The following MIER1 variants were observed in gnomAD, a reference collection of about 807,000 sequenced individuals.
MIER1 encodes MIER1 transcriptional regulator.
A neutral mutation model predicts 75.7 loss-of-function variants in MIER1; 40 were observed. The observed-to-expected ratio is 0.53, with a 90% CI of 0.41 to 0.69. MIER1 has a LOEUF of 0.69. MIER1 is among the 30% of genes least tolerant of loss of function. The pLI is 0.00. For missense variants in MIER1, 574 were observed against 680.2 expected, an observed-to-expected ratio of 0.84 and a Z score of 1.74; for synonymous variants, 213 against 223.4, an observed-to-expected ratio of 0.95 and a Z score of 0.42.
intron 2 of MIER1, 114 bp from the exon 3 acceptor site, chr1:66,939,914 A>G (rs1655783061): frequency 2.5e-6 from 2 of 799,482 alleles, no homozygotes; most frequent in South Asian, 3.3e-5. Context: ...AAATGCAGAC[A>G]TTAAAACTTA....
Position 66,987,713 on chromosome 1 carries a change from T to TAA in MIER1, c.*2814_*2815dup, listed in dbSNP as rs1666953295. On this transcript the variant is annotated 3_prime_UTR_variant, in exon 14 of 14. Transcript: ENST00000401041. Reference sequence around the variant, plus strand: ...GAATATTTTCATTAGATTAATTCACTAAGATTTTATTAGAGATTGTTTGAA... The same window carrying TAA: ...GAATATTTTCATTAGATTAATTCACTAAAAGATTTTATTAGAGATTGTTTGAA... The TAA allele has an allele frequency of 1.4e-5, 2 of 143,404 alleles. 1 individual carries two copies. Among genetic ancestry groups the TAA allele is most frequent in the South Asian group, 4.4e-4 (2 of 4,572 alleles). 8.9% of individuals were successfully genotyped at this position (143,404 alleles called of 1,614,324 possible). A position where few individuals can be genotyped will look rare whatever the true frequency, so the allele number is the denominator to read the frequency against.
Position 66,986,504 on chromosome 1 carries a change from A to C in MIER1, c.*1604A>C. The C allele has an allele frequency of 2.0e-6, 3 of 1,481,094 alleles. No homozygotes were observed. Among genetic ancestry groups the C allele is most frequent in the Middle Eastern group, 1.7e-4 (1 of 5,808 alleles). 91.7% of individuals were successfully genotyped at this position (1,481,094 alleles called of 1,614,324 possible). On this transcript the variant is annotated 3_prime_UTR_variant, in exon 14 of 14. Transcript: ENST00000401041. ...CTGTGGTCTTGTTTTTAATGGCTCAACTGTCTGATGTAATTGAGTGAAGGT... is the reference window on the plus strand; with the variant it reads ...CTGTGGTCTTGTTTTTAATGGCTCACCTGTCTGATGTAATTGAGTGAAGGT...
At chr1:66,968,901 A>G (rs1178166558) in intron 8 of MIER1, among the ~76,000 whole-genome samples, 1 of 152,238 alleles carries the variant, frequency 6.6e-6, no homozygotes, top group Non-Finnish European at 1.5e-5. Flanking sequence ...CTAAGTGAAT[A>G]GGTGGGTGAA....
Position 66,981,808 on chromosome 1 carries a change from G to A in MIER1, c.1259G>A (p.Ser420Asn), listed in dbSNP as rs1665944647. The A allele has an allele frequency of 3.1e-6, 5 of 1,613,682 alleles. No homozygotes were observed. The highest frequency in any genetic ancestry group is 3.4e-6 in the Non-Finnish European group (4 of 1,179,786). Reference sequence around the variant, plus strand: ...TACATGGATCGTCTTCTAGACGAAAGTGAAAGTGCTGCATCTAGTCGAGCA... The same window carrying A: ...TACATGGATCGTCTTCTAGACGAAAATGAAAGTGCTGCATCTAGTCGAGCA... ...TDYMDRLLDESESAASSRAPS... is the reference protein window; with the variant it reads ...TDYMDRLLDENESAASSRAPS... Residue 420 changes from serine to asparagine, a missense_variant, in exon 13 of 14, where the codon AGT becomes AAT. Physicochemically the swap from Ser to Asn is conservative, Grantham distance 46. Transcript: ENST00000401041.
intron 4 of MIER1, among the ~76,000 whole-genome samples, chr1:66,956,480 T>G (rs1660152080): frequency 6.6e-6 from 1 of 152,216 alleles, no homozygotes; most frequent in African/African-American, 2.4e-5. Context: ...TTTGAAGTTT[T>G]GTTTTAGTTC....
At chr1:66,984,504 G>C in intron 13 of MIER1, 68 bp from the exon 14 acceptor site, 3 of 1,136,466 alleles carry the variant, frequency 2.6e-6, no homozygotes, top group Non-Finnish European at 3.8e-6. Flanking sequence ...ACTACAAGCT[G>C]TTTTATAATA....
rs1232559670 is a variant in MIER1, at chr1:66,925,125, C to T, written c.67+30C>T. 9 of 1,540,354 alleles carry T rather than the reference C, an allele frequency of 5.8e-6. No homozygotes were observed. In the East Asian group the frequency reaches 2.0e-4, roughly 34 times the overall value. On this transcript the variant is annotated intron_variant, in intron 1 of 13. Coordinates refer to ENST00000401041, the MANE Select transcript of MIER1 (RefSeq NM_001077700.3). ...GTGCAGCCTCCACAAGCCATCTCTCCCCTTCTATTCCAGTTTGGGATGAGG... is the reference window on the plus strand; with the variant it reads ...GTGCAGCCTCCACAAGCCATCTCTCTCCTTCTATTCCAGTTTGGGATGAGG...
chr1:66,931,755 A>G (rs1653435323), intron 2 of MIER1, among the ~76,000 whole-genome samples: 1 of 152,124 alleles, frequency 6.6e-6, no homozygotes. Flanking sequence ...GAGAATCGGT[A>G]CCTGGATTTT....
intron 2 of MIER1, chr1:66,930,520 G>A (rs1335966758): frequency 8.5e-5 from 92 of 1,079,708 alleles, no homozygotes; most frequent in Non-Finnish European, 1.1e-4. Context: ...CTGCCCACCT[G>A]TTGTCCGGAA....
At chr1:66,969,294 C>G (rs944107991) in intron 8 of MIER1, among the ~76,000 whole-genome samples, 12 of 151,656 alleles carry the variant, frequency 7.9e-5, no homozygotes, top group Non-Finnish European at 1.5e-4. Flanking sequence ...ACCTGTAATC[C>G]CAGCACTTTG....
chr1:66,976,753 A>G (rs950212557), intron 12 of MIER1, 31 bp downstream of exon 12: 5 of 1,504,192 alleles, frequency 3.3e-6, no homozygotes, highest in Non-Finnish European at 4.4e-6. Context: ...AGAGCTATAT[A>G]TACATTTTTG....
chr1:66,935,153 G>C (rs905292388), intron 2 of MIER1, among the ~76,000 whole-genome samples: 3 of 152,138 alleles, frequency 2.0e-5, no homozygotes, highest in Non-Finnish European at 4.4e-5. Context: ...TAATGTTGTA[G>C]TTAGTTATTT....
chr1:66,940,270 C>CTTTTTTTTTTTTTTTTTTTTTTTTTTTT (rs35904130), intron 3 of MIER1: 1 of 126,654 alleles, frequency 7.9e-6, no homozygotes, highest in African/African-American at 4.7e-5. Context: ...TTTGGGTTTT[C>CTTTTTTTTTTTTTTTTTTTTTTTTTTTT]TTTTTTTTTT....
rs11208979 is a variant in MIER1, at chr1:66,976,592, C to T, written c.1102-3C>T. On this transcript the variant is annotated splice_polypyrimidine_tract_variant and splice_region_variant and intron_variant, in intron 11 of 13. Coordinates refer to ENST00000401041, the MANE Select transcript of MIER1 (RefSeq NM_001077700.3). The stretch of plus-strand genomic sequence containing the variant: ...CTTAAAAGCAAGCATTTGTTTCTTA[C>T]AGGTCCGAACAAGGTCAGTTGGTGA... 377,664 of 1,558,706 alleles carry T rather than the reference C, an allele frequency of 0.24. 48,369 individuals are homozygous for T. Among genetic ancestry groups the T allele is most frequent in the Non-Finnish European group, 0.26 (300,250 of 1,154,398 alleles).
intron 4 of MIER1, chr1:66,946,888 TTTTC>T: frequency 1.0e-6 from 1 of 985,220 alleles, no homozygotes; most frequent in Non-Finnish European, 1.2e-6. Context: ...CACTGTCTGG[TTTTC>T]TTTATCTTTT....
At chr1:66,979,282 G>T (rs1665423078) in intron 12 of MIER1, among the ~76,000 whole-genome samples, 1 of 152,150 alleles carries the variant, frequency 6.6e-6, no homozygotes, top group South Asian at 2.1e-4. Flanking sequence ...CACTTTAAGT[G>T]ACTTCATAAA....
chr1:66,951,352 C>T (rs1261371765), intron 4 of MIER1, among the ~76,000 whole-genome samples: 2 of 152,052 alleles, frequency 1.3e-5, no homozygotes, highest in Non-Finnish European at 2.9e-5. Context: ...TGGTCTTGAA[C>T]TCCTGTGTGC....
intron 3 of MIER1, among the ~76,000 whole-genome samples, chr1:66,943,203 G>C (rs1656665354): frequency 6.6e-6 from 1 of 152,062 alleles, no homozygotes; most frequent in African/African-American, 2.4e-5. Context: ...GTTTTCTCTT[G>C]AAAACTCAGA....
At chr1:66,962,840 C>T (rs1402509680) in intron 7 of MIER1, among the ~76,000 whole-genome samples, 1 of 152,032 alleles carries the variant, frequency 6.6e-6, no homozygotes, top group Non-Finnish European at 1.5e-5. Context: ...TTCTTTGTCT[C>T]TATATTTTGA....
Sources: allele counts gnomAD v4.1 joint callset (sites outside exome capture counted in the v4.1 genomes callset), GRCh38; gene constraint gnomAD v4.1.1; transcripts MANE v1.5; gene names NCBI Gene and HGNC (gene_info 2026-07-23, HGNC 2026-07-21).